Variants in FAM178B observed in about 807,000 individuals in gnomAD.
The protein encoded by FAM178B is protein FAM178B.
In FAM178B, 82 loss-of-function variants were observed where a neutral mutation model predicts 91.7. The ratio of observed to expected loss-of-function variants is 0.89; its 90% CI spans 0.75 to 1.07. The LOEUF is 1.07. Among genes scored for constraint, FAM178B ranks in the 50% least tolerant of loss-of-function variants. The pLI is 0.00. For synonymous variants in FAM178B, 368 were observed against 359.4 expected (o/e 1.02, Z -0.27); for missense variants, 769 against 846.7 (o/e 0.91, Z 1.14).
At chr2:96,893,242 G>T (rs1271427178) in intron 14 of FAM178B, among the ~76,000 whole-genome samples, 1 of 152,112 alleles carries the variant, frequency 6.6e-6, no homozygotes, top group East Asian at 1.9e-4. Flanking sequence ...CTGCTCCCCA[G>T]GAAGCTGAGC....
chr2:96,961,997 T>C (rs1328235168), intron 5 of FAM178B, among the ~76,000 whole-genome samples: 1 of 152,204 alleles, frequency 6.6e-6, no homozygotes, highest in Non-Finnish European at 1.5e-5. Flanking sequence ...TAAATTGTTT[T>C]TTAGTTTGAA....
intron 12 of FAM178B, among the ~76,000 whole-genome samples, chr2:96,905,563 A>G (rs2081014468): frequency 6.6e-6 from 1 of 150,746 alleles, no homozygotes; most frequent in Non-Finnish European, 1.5e-5. Flanking sequence ...TCTCAAAAAA[A>G]AAAAAAGAAA....
chr2:96,951,122 G>A (rs970958236), intron 7 of FAM178B, among the ~76,000 whole-genome samples: 2 of 152,288 alleles, frequency 1.3e-5, no homozygotes, highest in African/African-American at 4.8e-5. Context: ...ACACACCTTC[G>A]GGGGAAGCAG....
chr2:96,910,281 C>A (rs2081128991), intron 12 of FAM178B, among the ~76,000 whole-genome samples: 1 of 152,140 alleles, frequency 6.6e-6, no homozygotes, highest in Non-Finnish European at 1.5e-5. Flanking sequence ...CCCCATGGAG[C>A]CACGGCCCCA....
intron 13 of FAM178B, among the ~76,000 whole-genome samples, chr2:96,898,849 A>G (rs531347467): frequency 6.6e-6 from 1 of 152,322 alleles, no homozygotes; most frequent in Non-Finnish European, 1.5e-5. Flanking sequence ...GACAGGTGGA[A>G]AGGAAGAAGA....
chr2:96,955,233 G>A lies in FAM178B; in HGVS notation c.888-3749C>T, dbSNP rs536441398. Reference sequence around the variant, plus strand: ...ATACAAAAATTAGCCATGCGAGACCGGGTGCGGTGGCTCACGCCTGTAATC... The same window carrying A: ...ATACAAAAATTAGCCATGCGAGACCAGGTGCGGTGGCTCACGCCTGTAATC... On this transcript the variant is annotated intron_variant, in intron 6 of 16. Transcript: ENST00000490605. 4.6e-5 allele frequency among the ~76,000 whole-genome samples: 7 copies of A among 152,244 alleles called. No individual in the cohort carries two copies. The East Asian group carries it at 5.8e-4, about 13-fold the overall frequency.
Position 96,905,869 on chromosome 2 carries a change from T to A in FAM178B, c.1563-3162A>T, listed in dbSNP as rs1378155120. Reference sequence around the variant, plus strand: ...ATATATATATATATATATTTTTTTTTTTTTTTTTTTTTTTTTTTTGAGATG... The same window carrying A: ...ATATATATATATATATATTTTTTTTATTTTTTTTTTTTTTTTTTTGAGATG... On this transcript the variant is annotated intron_variant, in intron 12 of 16. Coordinates refer to ENST00000490605, the MANE Select transcript of FAM178B (RefSeq NM_001122646.3). 3.5e-3 allele frequency among the ~76,000 whole-genome samples: 198 copies of A among 55,824 alleles called. 6 individuals are homozygous for A. Among genetic ancestry groups the A allele is most frequent in the African/African-American group, 5.7e-3 (53 of 9,354 alleles). The allele number at this position is 55,824 out of a possible 152,430, so 36.6% of individuals were successfully genotyped here.
intron 6 of FAM178B, chr2:96,951,929 G>A (rs1459758714): frequency 5.9e-6 from 1 of 169,442 alleles, no homozygotes; most frequent in African/African-American, 2.4e-5. Flanking sequence ...GCTGAGGCAG[G>A]AGAATTGCTT....
At chr2:96,971,082 C>G (rs1009357901) in intron 3 of FAM178B, among the ~76,000 whole-genome samples, 1 of 151,954 alleles carries the variant, frequency 6.6e-6, no homozygotes, top group African/African-American at 2.4e-5. Context: ...CGCCAGCACA[C>G]CACACCACAC....
At chr2:96,915,166 A>G (rs2081221583) in intron 12 of FAM178B, among the ~76,000 whole-genome samples, 1 of 151,776 alleles carries the variant, frequency 6.6e-6, no homozygotes, top group African/African-American at 2.4e-5. Flanking sequence ...TTGGAGTGCA[A>G]TGGCACAATC....
intron 13 of FAM178B, among the ~76,000 whole-genome samples, chr2:96,894,297 C>T (rs537100486): frequency 6.6e-6 from 1 of 151,068 alleles, no homozygotes; most frequent in Non-Finnish European, 1.5e-5. Flanking sequence ...TCCCCCACGC[C>T]CCACCCACAC....
chr2:96,891,728 G>T (rs1001926317), intron 14 of FAM178B, among the ~76,000 whole-genome samples: 2 of 152,214 alleles, frequency 1.3e-5, no homozygotes, highest in Admixed American at 6.5e-5. Flanking sequence ...AGCCAGAGGA[G>T]GTGGGGAAGG....
At chr2:96,960,937 G>A (rs918792853) in intron 5 of FAM178B, among the ~76,000 whole-genome samples, 7 of 152,164 alleles carry the variant, frequency 4.6e-5, no homozygotes, top group South Asian at 2.1e-4. Context: ...TGGCATGGGC[G>A]TGGGCGGAAG....
intron 4 of FAM178B, 134 bp downstream of exon 4, chr2:96,970,582 G>T: frequency 3.0e-6 from 2 of 659,658 alleles, no homozygotes; most frequent in South Asian, 2.0e-5. Flanking sequence ...GCCTGTTACT[G>T]ATCAGAGCAC....
chr2:96,879,017 T>A (rs986493254), intron 14 of FAM178B, among the ~76,000 whole-genome samples: 1 of 152,162 alleles, frequency 6.6e-6, no homozygotes, highest in African/African-American at 2.4e-5. Flanking sequence ...AACTGCACAC[T>A]CTCAGCAGTG....
At chr2:96,929,470 C>T in intron 8 of FAM178B, 150 bp from the exon 9 acceptor site, 1 of 644,734 alleles carries the variant, frequency 1.6e-6, no homozygotes, top group Non-Finnish European at 2.8e-6. Context: ...GGAAATGAAG[C>T]AACTGGTGGT....
At chr2:96,936,227 A>C (rs899577750) in intron 8 of FAM178B, among the ~76,000 whole-genome samples, 26 of 151,988 alleles carry the variant, frequency 1.7e-4, no homozygotes, top group African/African-American at 3.4e-4. Context: ...TTTGAGACGG[A>C]GTCTCGCTCT....
At chr2:96,909,142 CAAAAA>C (rs368745154) in intron 12 of FAM178B, among the ~76,000 whole-genome samples, 3 of 77,410 alleles carry the variant, frequency 3.9e-5, no homozygotes, top group African/African-American at 9.4e-5. Context: ...GACTCTGTCT[CAAAAA>C]AAAAAAAAAA....
At chr2:96,923,243 G>A (rs2081374864) in intron 10 of FAM178B, among the ~76,000 whole-genome samples, 2 of 152,004 alleles carry the variant, frequency 1.3e-5, no homozygotes, top group Admixed American at 1.3e-4. Flanking sequence ...AAAGCGCTGG[G>A]ATTACAGGCA....
Sources: gnomAD v4.1 joint callset for allele counts (sites outside exome capture counted in the v4.1 genomes callset) on GRCh38, gnomAD v4.1.1 for gene constraint, MANE v1.5 for transcripts, NCBI Gene and HGNC (gene_info 2026-07-23, HGNC 2026-07-21) for gene names.